The following EEPD1 variants were observed in gnomAD, a reference collection of about 807,000 sequenced individuals.
EEPD1 encodes the protein endonuclease/exonuclease/phosphatase family domain-containing protein 1.
EEPD1 carries 17 observed loss-of-function variants against 46.3 expected under a neutral mutation model. The ratio of observed to expected loss-of-function variants is 0.37; its 90% CI spans 0.25 to 0.55. EEPD1 has a LOEUF of 0.55. EEPD1 is among the 20% of genes least tolerant of loss of function. The probability of loss-of-function intolerance (pLI) is 0.83; values close to 1 mark genes in which losing one functional copy is unlikely to be tolerated. For synonymous variants in EEPD1, 313 were observed against 315.6 expected (o/e 0.99, Z 0.09); for missense variants, 673 against 745.6 (o/e 0.90, Z 1.13).
intron 6 of EEPD1, among the ~76,000 whole-genome samples, chr7:36,288,772 A>AAG (rs1230313211): frequency 6.6e-6 from 1 of 152,086 alleles, no homozygotes; most frequent in Non-Finnish European, 1.5e-5. Context: ...TTAAAAAAAA[A>AAG]AAAAAAAGGA....
At chr7:36,223,153 A>AAAAT (rs142182000) in intron 2 of EEPD1, among the ~76,000 whole-genome samples, 18,736 of 150,330 alleles carry the variant, frequency 0.12, 1,196 homozygotes, top group East Asian at 0.21. Context: ...TGTGTCTCAA[A>AAAAT]AAATAAATAA....
rs1453668265 is a variant in EEPD1 at position 36,297,044 on chromosome 7, A to G, written c.1367A>G (p.Asn456Ser). ...LGDFGQGPDS[N>S]DYDILRKEKF... ...GATTTTGGCCAAGGGCCAGACAGCA[A>G]TGACTATGATATCCTGAGGAAAGAA... The change falls in exon 7 of 8, where the codon AAT (asparagine) becomes AGT (serine). Residue 456 changes from asparagine (N) to serine (S), a missense_variant. Transcript: ENST00000242108. 4 of 1,614,246 alleles carry G rather than the reference A, an allele frequency of 2.5e-6. No individual in the cohort carries two copies. In the Admixed American group the frequency reaches 5.0e-5, roughly 20 times the overall value.
intron 2 of EEPD1, among the ~76,000 whole-genome samples, chr7:36,196,334 TGAC>T (rs1785583222): frequency 1.3e-5 from 2 of 152,240 alleles, no homozygotes; most frequent in South Asian, 4.1e-4. Context: ...GATGTTAGGA[TGAC>T]GACAACATCA....
chr7:36,251,770 A>G (rs1264631289), intron 3 of EEPD1, among the ~76,000 whole-genome samples: 2 of 152,218 alleles, frequency 1.3e-5, no homozygotes, highest in East Asian at 3.8e-4. Flanking sequence ...AAAGCATTTT[A>G]GTTTTCAAAA....
chr7:36,155,474 T>C (rs1216012235), intron 2 of EEPD1, among the ~76,000 whole-genome samples: 1 of 152,222 alleles, frequency 6.6e-6, no homozygotes, highest in Non-Finnish European at 1.5e-5. Context: ...GGTTGTGTTT[T>C]TGTTACTGCT....
chr7:36,202,518 G>A (rs1785731722), intron 2 of EEPD1, among the ~76,000 whole-genome samples: 1 of 152,164 alleles, frequency 6.6e-6, no homozygotes, highest in South Asian at 2.1e-4. Context: ...GTTGGAGCTG[G>A]CATCCAGGCT....
At chr7:36,171,222 C>A (rs1286934264) in intron 2 of EEPD1, among the ~76,000 whole-genome samples, 1 of 152,162 alleles carries the variant, frequency 6.6e-6, no homozygotes, top group African/African-American at 2.4e-5. Context: ...CATGCCCAGC[C>A]CCATGCTTCA....
intron 3 of EEPD1, among the ~76,000 whole-genome samples, chr7:36,266,200 C>G (rs962655333): frequency 3.9e-5 from 6 of 152,168 alleles, no homozygotes; most frequent in Non-Finnish European, 8.8e-5. Context: ...TAGAATAATT[C>G]ATTTCAATAA....
Position 36,154,435 on chromosome 7 carries a change from G to A in EEPD1, c.111G>A (p.Gln37=). The A allele has an allele frequency of 6.2e-7, 1 of 1,614,204 alleles. No individual in the cohort carries two copies. Reference sequence around the variant, plus strand: ...ACTTCAGCAACATTCTAGTGAATCAGGAGCGGCTCAACATCAACACTGCCA... The same window carrying A: ...ACTTCAGCAACATTCTAGTGAATCAAGAGCGGCTCAACATCAACACTGCCA... ...ACNFSNILVN[Q]ERLNINTATE... is the part of the protein sequence containing the mutation. The change falls in exon 2 of 8, where the codon CAG becomes CAA. Residue 37 remains glutamine (Q), a synonymous_variant. Transcript: ENST00000242108. This position sits in a 1 kb window ranked among gnomAD's most constrained non-coding sequence, Gnocchi z 4.2.
intron 2 of EEPD1, among the ~76,000 whole-genome samples, chr7:36,188,920 A>G (rs942854279): frequency 6.6e-6 from 1 of 152,216 alleles, no homozygotes; most frequent in Non-Finnish European, 1.5e-5. Context: ...ATAATTTCAT[A>G]TTTGGGAATG....
chr7:36,176,998 C>T (rs946959680), intron 2 of EEPD1, among the ~76,000 whole-genome samples: 8 of 152,070 alleles, frequency 5.3e-5, no homozygotes, highest in South Asian at 2.1e-4. Flanking sequence ...AGACAGAAAG[C>T]GGATCTGTGG....
chr7:36,173,383 CA>C (rs1399657627), intron 2 of EEPD1, among the ~76,000 whole-genome samples: 1 of 150,764 alleles, frequency 6.6e-6, no homozygotes, highest in Admixed American at 6.6e-5. Context: ...CCTATAATCC[CA>C]GCTACTCGGG....
rs552596547 is a variant in EEPD1, at chr7:36,299,790, C to G, written c.*584C>G. ...CTCCCCCGCCCCCTTCCCCCGCCCCCCAACGCGCAGTGTGTATTTGCACCA... is the reference window on the plus strand; with the variant it reads ...CTCCCCCGCCCCCTTCCCCCGCCCCGCAACGCGCAGTGTGTATTTGCACCA... On this transcript the variant is annotated 3_prime_UTR_variant, in exon 8 of 8. Transcript: ENST00000242108. 13 of 152,904 alleles carry G rather than the reference C, an allele frequency of 8.5e-5. No individual in the cohort carries two copies. The highest frequency in any genetic ancestry group is 2.0e-4 in the South Asian group (1 of 4,914). The allele number at this position is 152,904 out of a possible 1,614,324, so 9.5% of individuals were successfully genotyped here. A position where few individuals can be genotyped will look rare whatever the true frequency, so the allele number is the denominator to read the frequency against.
At chr7:36,171,492 A>C (rs1040246661) in intron 2 of EEPD1, among the ~76,000 whole-genome samples, 3 of 152,238 alleles carry the variant, frequency 2.0e-5, no homozygotes, top group African/African-American at 7.2e-5. Flanking sequence ...ATTATCTTTC[A>C]TAGTTCAGAC....
intron 3 of EEPD1, among the ~76,000 whole-genome samples, chr7:36,255,471 C>T (rs544605055): frequency 1.3e-5 from 2 of 151,232 alleles, no homozygotes; most frequent in Admixed American, 1.3e-4. Flanking sequence ...TTTATTACTG[C>T]CTCAATTTCA....
Position 36,235,718 on chromosome 7 carries a change from G to T in EEPD1, c.879-3267G>T, listed in dbSNP as rs542841259. Among the ~76,000 whole-genome samples, 20 of 152,248 alleles carry T rather than the reference G, an allele frequency of 1.3e-4. No individual in the cohort carries two copies. The East Asian group carries it at 3.7e-3, about 28-fold the overall frequency. ...TGCAAGCGATGGCTTTAGCTATTTG[G>T]GTGACTGTTTTTCTTTATATTCTTC... On this transcript the variant is annotated intron_variant, in intron 2 of 7. Coordinates refer to ENST00000242108, the MANE Select transcript of EEPD1 (RefSeq NM_030636.3).
At position 36,299,232 on chromosome 7, in the gene EEPD1, T is replaced by C. The variant is rs196614; in HGVS notation, c.*26T>C. On this transcript the variant is annotated 3_prime_UTR_variant, in exon 8 of 8. Coordinates refer to ENST00000242108, the MANE Select transcript of EEPD1 (RefSeq NM_030636.3). ...TGACACCAAATCCATGTGTCCACCC[T>C]GGGACCCAGGAGGGCACAGCCAAGG... 0.46 allele frequency: 744,216 copies of C among 1,606,342 alleles called. 177,172 individuals are homozygous for C. Among genetic ancestry groups the C allele is most frequent in the Middle Eastern group, 0.54 (3,264 of 6,028 alleles).
intron 3 of EEPD1, among the ~76,000 whole-genome samples, chr7:36,243,331 AGAG>A (rs1668056574): frequency 6.6e-6 from 1 of 151,886 alleles, no homozygotes; most frequent in Non-Finnish European, 1.5e-5. Context: ...TGGCACCAAA[AGAG>A]AAGAAGTAAA....
chr7:36,205,577 C>A (rs1454039039), intron 2 of EEPD1, among the ~76,000 whole-genome samples: 1 of 152,138 alleles, frequency 6.6e-6, no homozygotes, highest in African/African-American at 2.4e-5. Flanking sequence ...GGTTTTGGGT[C>A]CCAGCGCTGC....
Sources: allele counts gnomAD v4.1 joint callset (sites outside exome capture counted in the v4.1 genomes callset), GRCh38; gene constraint gnomAD v4.1.1; non-coding constraint Gnocchi (gnomAD v3.1); transcripts MANE v1.5; gene names NCBI Gene and HGNC (gene_info 2026-07-23, HGNC 2026-07-21).